Variants in ZNF475 observed in about 807,000 individuals in gnomAD.
ZNF475 encodes the protein zinc finger protein 475.
chr5:122,164,113 T>C, the ZNF475 span, among the ~76,000 whole-genome samples: 1 of 152,190 alleles, frequency 6.6e-6, no homozygotes, highest in African/African-American at 2.4e-5. Context: ...TAATGTGAAT[T>C]AACAATAAGG....
chr5:122,176,670 A>G, the ZNF475 span, among the ~76,000 whole-genome samples: 2 of 152,260 alleles, frequency 1.3e-5, no homozygotes, highest in East Asian at 3.9e-4. Context: ...TGCACCTTAC[A>G]GGGGCTTATG....
chr5:122,163,950 C>A, the ZNF475 span, among the ~76,000 whole-genome samples: 24 of 150,700 alleles, frequency 1.6e-4, no homozygotes, highest in African/African-American at 5.6e-4. Context: ...CTCTGTGTCA[C>A]CTTTTTTTTT....
the ZNF475 span, chr5:122,163,310 T>C: frequency 6.6e-6 from 1 of 152,186 alleles, no homozygotes; most frequent in African/African-American, 2.4e-5. Context: ...GCATGTAAAG[T>C]GTTTAGTACA....
At chr5:122,168,348 T>A in the ZNF475 span, among the ~76,000 whole-genome samples, 2 of 80,038 alleles carry the variant, frequency 2.5e-5, no homozygotes, top group African/African-American at 3.9e-4. Flanking sequence ...ACATTCATGG[T>A]TTTTTTACTG....
At chr5:122,175,084 A>C in the ZNF475 span, among the ~76,000 whole-genome samples, 1 of 152,178 alleles carries the variant, frequency 6.6e-6, no homozygotes, top group African/African-American at 2.4e-5. Flanking sequence ...TTATTGGCAT[A>C]AGTTAATATA....
At chr5:122,161,013 G>C in the ZNF475 span, among the ~76,000 whole-genome samples, 4 of 152,204 alleles carry the variant, frequency 2.6e-5, no homozygotes, top group Non-Finnish European at 4.4e-5. Flanking sequence ...AGAGGTGACT[G>C]TCCCATGAAC....
chr5:122,162,972 C>T, the ZNF475 span: 1 of 152,174 alleles, frequency 6.6e-6, no homozygotes, highest in East Asian at 1.9e-4. Context: ...TCCCATGTTT[C>T]TAGAAGCAAC....
chr5:122,179,310 G>C, the ZNF475 span, among the ~76,000 whole-genome samples: 1 of 152,116 alleles, frequency 6.6e-6, no homozygotes, highest in Admixed American at 6.5e-5. Flanking sequence ...GGATAGCATT[G>C]AATCTATAAA....
the ZNF475 span, among the ~76,000 whole-genome samples, chr5:122,169,232 C>A: frequency 2.6e-5 from 4 of 152,170 alleles, no homozygotes; most frequent in African/African-American, 9.7e-5. Flanking sequence ...TACAGTTCTG[C>A]CATTCAATAA....
At chr5:122,179,910 G>C in the ZNF475 span, 2 of 476,860 alleles carry the variant, frequency 4.2e-6, no homozygotes, top group African/African-American at 3.9e-5. Context: ...ATTATCTTCT[G>C]ATGCTGAGAC....
chr5:122,176,790 C>T, the ZNF475 span, among the ~76,000 whole-genome samples: 13 of 152,106 alleles, frequency 8.5e-5, no homozygotes, highest in African/African-American at 3.1e-4. Context: ...TTAGGTAGGC[C>T]TTTTAGTTCA....
the ZNF475 span, among the ~76,000 whole-genome samples, chr5:122,167,328 AC>A: frequency 6.6e-6 from 1 of 152,168 alleles, no homozygotes; most frequent in African/African-American, 2.4e-5. Context: ...ACTTTCTCCT[AC>A]AAAAAATTTA....
chr5:122,181,147 C>T, the ZNF475 span, among the ~76,000 whole-genome samples: 1 of 152,296 alleles, frequency 6.6e-6, no homozygotes, highest in South Asian at 2.1e-4. Flanking sequence ...TCCCTGCAGT[C>T]TTCCTCTCAC....
the ZNF475 span, among the ~76,000 whole-genome samples, chr5:122,181,978 G>C: frequency 2.0e-5 from 3 of 152,092 alleles, no homozygotes; most frequent in Non-Finnish European, 4.4e-5. Context: ...TAAGTTTTTA[G>C]GATATAATTC....
At chr5:122,171,072 C>A in the ZNF475 span, among the ~76,000 whole-genome samples, 1 of 152,132 alleles carries the variant, frequency 6.6e-6, no homozygotes, top group Admixed American at 6.5e-5. Flanking sequence ...AAGCTGTATT[C>A]ATTCCTAATA....
the ZNF475 span, chr5:122,182,657 T>C: frequency 7.9e-6 from 12 of 1,525,352 alleles, no homozygotes; most frequent in African/African-American, 1.4e-5. Context: ...CTTTTCTCTC[T>C]ACTGAAGTGT....
the ZNF475 span, among the ~76,000 whole-genome samples, chr5:122,174,149 C>A: frequency 6.6e-6 from 1 of 152,168 alleles, no homozygotes; most frequent in African/African-American, 2.4e-5. Flanking sequence ...TAAGAGGGGG[C>A]CTTCTGCTGG....
chr5:122,182,362 T>C, the ZNF475 span: 1 of 664,616 alleles, frequency 1.5e-6, no homozygotes, highest in Non-Finnish European at 2.3e-6. Flanking sequence ...TTCCTGAAAA[T>C]ATTTTCCATA....
At chr5:122,167,230 C>A in the ZNF475 span, among the ~76,000 whole-genome samples, 1 of 152,142 alleles carries the variant, frequency 6.6e-6, no homozygotes, top group Non-Finnish European at 1.5e-5. Context: ...TTATGTTATT[C>A]ATCTCTGGCT....
Sources: gnomAD v4.1 joint callset for allele counts (sites outside exome capture counted in the v4.1 genomes callset) on GRCh38, gnomAD v4.1.1 for gene constraint, MANE v1.5 for transcripts, NCBI Gene and HGNC (gene_info 2026-07-23, HGNC 2026-07-21) for gene names.